ITGAE: variants seen among roughly 807,000 people sequenced by gnomAD.
ITGAE encodes integrin subunit alpha E, also known as integrin alpha-E.
A neutral mutation model predicts 136.5 loss-of-function variants in ITGAE; 99 were observed. The observed-to-expected ratio is 0.73, with a 90% confidence interval of 0.62 to 0.86. ITGAE has a LOEUF of 0.86. Ranked by LOEUF, ITGAE falls within the 40% of genes least tolerant of loss-of-function variation. The pLI is 0.00. For synonymous variants in ITGAE, 613 were observed against 591.8 expected (o/e 1.04, Z -0.52); for missense variants, 1,447 against 1,515.3 (o/e 0.95, Z 0.75).
chr17:3,754,995 C>T, intron 12 of ITGAE, 122 bp downstream of exon 12: 4 of 1,209,714 alleles, frequency 3.3e-6, no homozygotes, highest in Non-Finnish European at 3.3e-6. Flanking sequence ...CCAGGCCCCA[C>T]CCTCGCCCAG....
chr17:3,748,324 C>T (rs551347577), intron 16 of ITGAE, among the ~76,000 whole-genome samples: 1 of 152,194 alleles, frequency 6.6e-6, no homozygotes. Flanking sequence ...CGGTGGCTCA[C>T]GCCTGTAATC....
chr17:3,798,605 C>T lies in ITGAE; in HGVS notation c.34+2506G>A, dbSNP rs190432423. On this transcript the variant is annotated intron_variant, in intron 1 of 30. Coordinates refer to ENST00000263087, the MANE Select transcript of ITGAE (RefSeq NM_002208.5). The surrounding 1 kb of genome is among the most constrained non-coding windows in gnomAD (Gnocchi z 4.3). Reference sequence around the variant, plus strand: ...TGAGGTTTTCTATCACGCACAGGCCCGGGGTGATGCCCCGGCACAGCCCCT... The same window carrying T: ...TGAGGTTTTCTATCACGCACAGGCCTGGGGTGATGCCCCGGCACAGCCCCT... Among the ~76,000 whole-genome samples, 17 of 152,298 alleles carry T rather than the reference C, an allele frequency of 1.1e-4. No individual in the cohort carries two copies. The East Asian group carries it at 1.7e-3, about 16-fold the overall frequency.
At chr17:3,772,960 T>G (rs2052460796) in intron 2 of ITGAE, among the ~76,000 whole-genome samples, 1 of 152,096 alleles carries the variant, frequency 6.6e-6, no homozygotes, top group Non-Finnish European at 1.5e-5. Context: ...GTCCTCACGT[T>G]CAACTCAATT....
intron 22 of ITGAE, 119 bp downstream of exon 22, chr17:3,732,249 G>T: frequency 1.3e-6 from 1 of 787,212 alleles, no homozygotes; most frequent in Non-Finnish European, 2.2e-6. Context: ...GCACTGCTGG[G>T]GACACACTGC....
chr17:3,725,201 C>G (rs745466832), intron 26 of ITGAE: 2 of 1,614,206 alleles, frequency 1.2e-6, no homozygotes, highest in South Asian at 2.2e-5. Context: ...AATGTTCAAA[C>G]CGGCCTGTCA....
chr17:3,756,125 G>A (rs1567536765), intron 10 of ITGAE, among the ~76,000 whole-genome samples: 1 of 152,026 alleles, frequency 6.6e-6, no homozygotes, highest in South Asian at 2.1e-4. Flanking sequence ...TGGGAGAAGG[G>A]ACTATGCCCC....
rs1317724569 is a variant in ITGAE, at chr17:3,750,415, T to C, written c.1961A>G (p.Asp654Gly). Residue 654 changes from aspartate (D) to glycine (G), a missense_variant, in exon 16 of 31, where the codon GAT (aspartate) becomes GGT (glycine). Physicochemically the swap from Asp to Gly is moderately conservative, Grantham distance 94. Transcript: ENST00000263087. Reference protein sequence around the residue: ...YFGMSMAGGFDISGDGLADIT... With the variant: ...YFGMSMAGGFGISGDGLADIT... The stretch of plus-strand genomic sequence containing the variant: ...GTCGGCAAGGCCGTCGCCACTAATA[T>C]CAAAGCCACCAGCCATGGACATGCC... The C allele has an allele frequency of 6.2e-7, 1 of 1,614,022 alleles. No individual in the cohort carries two copies. Among genetic ancestry groups the C allele is most frequent in the Admixed American group, 1.7e-5 (1 of 60,004 alleles).
chr17:3,730,765 G>A (rs1422232935), intron 23 of ITGAE, among the ~76,000 whole-genome samples: 1 of 152,118 alleles, frequency 6.6e-6, no homozygotes, highest in Non-Finnish European at 1.5e-5. Flanking sequence ...TCCCAGCAGC[G>A]TTCCCCACCT....
intron 30 of ITGAE, 117 bp from the exon 31 acceptor site, chr17:3,715,059 C>G (rs2050916630): frequency 1.6e-6 from 1 of 632,706 alleles, no homozygotes; most frequent in Non-Finnish European, 2.8e-6. Flanking sequence ...CTCATACTTA[C>G]TACTCCCTTC....
chr17:3,736,190 T>G (rs2051456572), intron 20 of ITGAE, among the ~76,000 whole-genome samples: 1 of 151,842 alleles, frequency 6.6e-6, no homozygotes, highest in African/African-American at 2.4e-5. Context: ...GCACTTGTAA[T>G]CCCAGCTATT....
chr17:3,719,480 G>T (rs2051007958), intron 29 of ITGAE, among the ~76,000 whole-genome samples: 1 of 152,064 alleles, frequency 6.6e-6, no homozygotes, highest in Non-Finnish European at 1.5e-5. Context: ...GTCCAGGCAA[G>T]GGTCAACAAG....
At chr17:3,758,277 ACT>A (rs1383315554) in intron 8 of ITGAE, among the ~76,000 whole-genome samples, 1 of 151,900 alleles carries the variant, frequency 6.6e-6, no homozygotes, top group African/African-American at 2.4e-5. Flanking sequence ...ACGGCGTCTC[ACT>A]CTGTCACCCA....
chr17:3,791,692 G>A lies in ITGAE; in HGVS notation c.34+9419C>T, dbSNP rs113784677. ...AACATTAGCGTGCAAATGAGTCATC[G>A]GAGATCTTGTTAAAATGCAGATTCT... On this transcript the variant is annotated intron_variant, in intron 1 of 30. Coordinates refer to ENST00000263087, the MANE Select transcript of ITGAE (RefSeq NM_002208.5). Among the ~76,000 whole-genome samples, 156 of 152,186 alleles carry A rather than the reference G, an allele frequency of 1.0e-3. 1 individual carries two copies. Among genetic ancestry groups the A allele is most frequent in the African/African-American group, 2.2e-3 (93 of 41,534 alleles).
At chr17:3,789,396 G>A (rs1430485755) in intron 1 of ITGAE, among the ~76,000 whole-genome samples, 1 of 151,960 alleles carries the variant, frequency 6.6e-6, no homozygotes, top group African/African-American at 2.4e-5. Flanking sequence ...AAATCATCCT[G>A]GTTAATGAGA....
chr17:3,800,957 G>A (rs186144310), intron 1 of ITGAE, among the ~76,000 whole-genome samples, 154 bp downstream of exon 1: 203 of 152,322 alleles, frequency 1.3e-3, no homozygotes, highest in Middle Eastern at 3.4e-3. Context: ...CTGACCCACC[G>A]AGCAAGACTC....
chr17:3,747,826 C>CAA, intron 17 of ITGAE, 96 bp downstream of exon 17: 1 of 218,214 alleles, frequency 4.6e-6, no homozygotes, highest in South Asian at 6.5e-5. Flanking sequence ...CAACACCCAC[C>CAA]CACCCCCCGC....
intron 2 of ITGAE, among the ~76,000 whole-genome samples, chr17:3,771,444 T>C (rs2052419271): frequency 6.6e-6 from 1 of 151,898 alleles, no homozygotes; most frequent in African/African-American, 2.4e-5. Context: ...GCGCCGCAGC[T>C]CACGTGCCCT....
intron 16 of ITGAE, among the ~76,000 whole-genome samples, chr17:3,749,185 C>G (rs113299343): frequency 6.7e-6 from 1 of 148,270 alleles, no homozygotes; most frequent in Non-Finnish European, 1.5e-5. Flanking sequence ...ATGCCATTTG[C>G]TGAGACAGAA....
intron 1 of ITGAE, among the ~76,000 whole-genome samples, chr17:3,797,675 G>T (rs974562736): frequency 4.6e-5 from 7 of 151,194 alleles, no homozygotes; most frequent in African/African-American, 1.7e-4. Context: ...TGGCCAGGAT[G>T]GTCTTGAACT....
Sources: gnomAD v4.1 joint callset for allele counts (sites outside exome capture counted in the v4.1 genomes callset) on GRCh38, gnomAD v4.1.1 for gene constraint, Gnocchi (gnomAD v3.1) non-coding constraint, MANE v1.5 for transcripts, NCBI Gene and HGNC (gene_info 2026-07-23, HGNC 2026-07-21) for gene names.